COL11A1: variants seen among roughly 807,000 people sequenced by gnomAD.
The protein encoded by COL11A1 is collagen type XI alpha 1 chain.
A neutral mutation model predicts 265.2 loss-of-function variants in COL11A1; 74 were observed. The observed-to-expected ratio is 0.28, with a 90% CI of 0.23 to 0.34. The LOEUF is 0.34. COL11A1 is among the 10% of genes least tolerant of loss of function. The probability of loss-of-function intolerance (pLI) is 1.00; values close to 1 mark genes in which losing one functional copy is unlikely to be tolerated. For missense variants in COL11A1, 2,165 were observed against 2,263.6 expected (o/e 0.96, Z 0.88); for synonymous variants, 816 against 727.6 (o/e 1.12, Z -1.96).
chr1:103,083,103 AT>A lies in COL11A1; in HGVS notation c.107-132del, dbSNP rs1672546099. 5 of 859,664 alleles carry A rather than the reference AT, an allele frequency of 5.8e-6. No homozygotes were observed. In the East Asian group the frequency reaches 1.1e-4, roughly 19 times the overall value. The allele number at this position is 859,664 out of a possible 1,614,324, so 53.3% of individuals were successfully genotyped here. A position where few individuals can be genotyped will look rare whatever the true frequency, so the allele number is the denominator to read the frequency against. The stretch of plus-strand genomic sequence containing the variant: ...TTATCACTTGCCATGCTTCCCTAAC[AT>A]TTAGGTGGGAGTTTGGAGAGTGGGG... On this transcript the variant is annotated intron_variant, in intron 1 of 66. Coordinates refer to ENST00000370096, the MANE Select transcript of COL11A1 (RefSeq NM_001854.4).
intron 10 of COL11A1, 38 bp downstream of exon 10, chr1:103,018,775 ATTACT>A (rs770204439): frequency 2.0e-6 from 3 of 1,464,290 alleles, no homozygotes; most frequent in South Asian, 2.3e-5. Context: ...CTTATATATG[ATTACT>A]TTAAATAGAC....
At position 103,022,916 on chromosome 1, in the gene COL11A1, ATCC is replaced by A; in HGVS notation, c.1068_1070del (p.Glu356del). 6.2e-7 allele frequency: 1 copy of A among 1,613,778 alleles called. No homozygotes were observed. The highest frequency in any genetic ancestry group is 2.2e-5 in the East Asian group (1 of 44,836). On this transcript the variant is annotated inframe_deletion, in exon 8 of 67. Coordinates refer to ENST00000370096, the MANE Select transcript of COL11A1 (RefSeq NM_001854.4). ...CTATTTCTTTGTTTTCATATAGTGTATCCTCAGAATTTTTCCTCTGGGAATCAT... is the reference window on the plus strand; with the variant it reads ...CTATTTCTTTGTTTTCATATAGTGTATCAGAATTTTTCCTCTGGGAATCAT...
chr1:102,938,938 G>T, intron 44 of COL11A1, 97 bp downstream of exon 44: 2 of 1,004,422 alleles, frequency 2.0e-6, no homozygotes, highest in South Asian at 1.3e-5. Flanking sequence ...ATAAGTATTG[G>T]CTAGGAAAGT....
At position 102,974,831 on chromosome 1, in the gene COL11A1, G is replaced by T; in HGVS notation, c.2807C>A (p.Pro936His). The T allele has an allele frequency of 6.2e-7, 1 of 1,612,362 alleles. No homozygotes were observed. Residue 936 changes from proline to histidine, a missense_variant and splice_region_variant, in exon 36 of 67, where the codon CCT (proline) becomes CAT (histidine). Physicochemically the swap from Pro to His is moderately conservative, Grantham distance 77. Transcript: ENST00000370096. ...AGAAAGAGAAGCTCTGACACTTACA[G>T]GAGGGCCTTTTGGTCCAGGGAATCC... is the stretch of plus-strand genomic sequence containing the variant. Reference protein sequence around the residue: ...PVGFPGPKGPPGPPGKDGLPG... With the variant: ...PVGFPGPKGPHGPPGKDGLPG...
Position 103,108,084 on chromosome 1 carries a change from T to C in COL11A1, c.95A>G (p.Glu32Gly), listed in dbSNP as rs778603790. The part of the protein sequence containing the change: ...LALTFLFQAR[E>G]VRGAAPVDVL... ...CCATTTTTTCTTACCTCCTCTGACC[T>C]CTCTAGCTTGGAAGAGGAAGGTCAA... Residue 32 changes from glutamate to glycine, a missense_variant, in exon 1 of 67, where the codon GAG becomes GGG. Transcript: ENST00000370096. The C allele has an allele frequency of 1.2e-6, 2 of 1,613,354 alleles. No homozygotes were observed. Among genetic ancestry groups the C allele is most frequent in the Non-Finnish European group, 1.7e-6 (2 of 1,179,822 alleles).
At chr1:103,072,060 T>A (rs1671634302) in intron 4 of COL11A1, among the ~76,000 whole-genome samples, 1 of 151,790 alleles carries the variant, frequency 6.6e-6, no homozygotes, top group African/African-American at 2.4e-5. Flanking sequence ...ATTTTTGTCA[T>A]CCCCAAATCA....
At chr1:103,026,112 G>C in intron 6 of COL11A1, 104 bp downstream of exon 6, 1 of 1,191,826 alleles carries the variant, frequency 8.4e-7, no homozygotes, top group Non-Finnish European at 1.3e-6. Context: ...AGAGAAATAA[G>C]ATGAATGAAA....
chr1:102,896,188 T>A (rs1191786329), intron 57 of COL11A1, among the ~76,000 whole-genome samples: 3 of 143,352 alleles, frequency 2.1e-5, no homozygotes, highest in Non-Finnish European at 3.0e-5. Flanking sequence ...AATATTCCCA[T>A]TTTATAAATG....
intron 4 of COL11A1, among the ~76,000 whole-genome samples, chr1:103,042,638 A>G (rs1445420606): frequency 6.6e-6 from 1 of 152,102 alleles, no homozygotes; most frequent in Non-Finnish European, 1.5e-5. Context: ...CTAGCTTGTC[A>G]CAGTAGTCTG....
In COL11A1 at chr1:103,044,646, T is replaced by C. The variant is rs183401254; in HGVS notation, c.652-13402A>G. 3.8e-4 allele frequency among the ~76,000 whole-genome samples: 58 copies of C among 152,240 alleles called. No homozygotes were observed. The East Asian group carries it at 6.2e-3, about 16-fold the overall frequency. ...TAAAAGGTTATAAAAAGGTAACAGA[T>C]CTTGCTTCCCACTTCCTTGTCTGCT... On this transcript the variant is annotated intron_variant, in intron 4 of 66. Coordinates refer to ENST00000370096, the MANE Select transcript of COL11A1 (RefSeq NM_001854.4).
At chr1:103,074,831 C>A in intron 3 of COL11A1, 51 bp from the exon 4 acceptor site, 1 of 1,592,228 alleles carries the variant, frequency 6.3e-7, no homozygotes, top group South Asian at 1.1e-5. Flanking sequence ...CAGTGGTTGC[C>A]AAAGCAGTAT....
intron 54 of COL11A1, among the ~76,000 whole-genome samples, chr1:102,907,182 A>G (rs1213499120): frequency 6.6e-6 from 1 of 152,126 alleles, no homozygotes; most frequent in East Asian, 1.9e-4. Context: ...TCATGTTATT[A>G]TTAATTCATG....
intron 41 of COL11A1, among the ~76,000 whole-genome samples, chr1:102,961,160 G>T (rs185633755): frequency 6.6e-6 from 1 of 152,184 alleles, no homozygotes; most frequent in Admixed American, 6.6e-5. Context: ...CAGTTTGGCT[G>T]TTATAGTGAA....
intron 46 of COL11A1, among the ~76,000 whole-genome samples, chr1:102,930,146 G>A (rs1364958084): frequency 3.9e-5 from 6 of 152,254 alleles, no homozygotes; most frequent in Non-Finnish European, 5.9e-5. Flanking sequence ...GGAGTGGTGA[G>A]AGAAGGCATC....
intron 46 of COL11A1, among the ~76,000 whole-genome samples, chr1:102,930,740 TA>T (rs1657311987): frequency 6.6e-6 from 1 of 152,092 alleles, no homozygotes; most frequent in South Asian, 2.1e-4. Flanking sequence ...TTTTGGTTGG[TA>T]AGCTATTGAT....
chr1:102,957,024 A>G (rs1660443649), intron 41 of COL11A1, among the ~76,000 whole-genome samples: 1 of 151,988 alleles, frequency 6.6e-6, no homozygotes, highest in Non-Finnish European at 1.5e-5. Flanking sequence ...ATGACCCTGT[A>G]TAAAGCAATA....
intron 54 of COL11A1, among the ~76,000 whole-genome samples, chr1:102,910,255 T>C (rs1654488562): frequency 6.6e-6 from 1 of 152,080 alleles, no homozygotes; most frequent in Non-Finnish European, 1.5e-5. Flanking sequence ...AATGAATAAT[T>C]CATGTGACCC....
At chr1:102,939,581 G>A (rs1013340267) in intron 43 of COL11A1, among the ~76,000 whole-genome samples, 6 of 151,914 alleles carry the variant, frequency 3.9e-5, no homozygotes, top group Non-Finnish European at 7.4e-5. Flanking sequence ...AGGCATGCTT[G>A]TAGTCTCAGC....
intron 1 of COL11A1, among the ~76,000 whole-genome samples, chr1:103,088,971 G>A (rs147166737): frequency 3.9e-5 from 6 of 152,174 alleles, no homozygotes; most frequent in East Asian, 3.9e-4. Flanking sequence ...AAAAACTATC[G>A]ACTCGCCCAT....
Sources: allele counts gnomAD v4.1 joint callset (sites outside exome capture counted in the v4.1 genomes callset), GRCh38; gene constraint gnomAD v4.1.1; transcripts MANE v1.5; gene names NCBI Gene and HGNC (gene_info 2026-07-23, HGNC 2026-07-21).